The following NBAS variants were observed in gnomAD, a reference collection of about 807,000 sequenced individuals.
The protein encoded by NBAS is NBAS subunit of NRZ tethering complex, also known as NAG/BC035112 fusion.
A neutral mutation model predicts 302.5 loss-of-function variants in NBAS; 219 were observed. The ratio of observed to expected loss-of-function variants is 0.72; its 90% CI spans 0.65 to 0.81. The LOEUF is 0.81. Ranked by LOEUF, NBAS falls within the 30% of genes least tolerant of loss-of-function variation. NBAS has a pLI of 0.00. For missense variants in NBAS, 2,932 were observed against 2,841.6 expected (o/e 1.03, Z -0.72); for synonymous variants, 1,118 against 1,021.6 (o/e 1.09, Z -1.80).
At chr2:15,523,544 G>A (rs890454350) in intron 9 of NBAS, among the ~76,000 whole-genome samples, 1 of 152,150 alleles carries the variant, frequency 6.6e-6, no homozygotes, top group South Asian at 2.1e-4. Context: ...TTGAGCATTT[G>A]TGGATTTTGG....
At chr2:15,024,224 T>TA in the NBAS span, among the ~76,000 whole-genome samples, 116,919 of 151,816 alleles carry the variant, frequency 0.77, 45,291 homozygotes, top group East Asian at 1. Context: ...ACATGCAGTA[T>TA]TGGTTTTCTG....
the NBAS span, among the ~76,000 whole-genome samples, chr2:14,859,734 G>A: frequency 6.6e-6 from 1 of 152,020 alleles, no homozygotes. Context: ...TGACACTACT[G>A]GAAGAAAACA....
the NBAS span, among the ~76,000 whole-genome samples, chr2:14,816,448 T>C: frequency 6.6e-6 from 1 of 152,216 alleles, no homozygotes; most frequent in Non-Finnish European, 1.5e-5. Flanking sequence ...AAAAATTGTC[T>C]TCCACAAAAC....
chr2:14,833,581 C>T, the NBAS span, among the ~76,000 whole-genome samples: 1 of 152,026 alleles, frequency 6.6e-6, no homozygotes, highest in Admixed American at 6.6e-5. Flanking sequence ...CATAAACAGT[C>T]TGTATATCTG....
chr2:14,826,824 C>T, the NBAS span, among the ~76,000 whole-genome samples: 12 of 152,284 alleles, frequency 7.9e-5, no homozygotes, highest in African/African-American at 2.2e-4. Flanking sequence ...CACTCACAGG[C>T]GCTAGGAAGA....
chr2:14,986,231 A>T, the NBAS span, among the ~76,000 whole-genome samples: 1 of 112,384 alleles, frequency 8.9e-6, no homozygotes, highest in Non-Finnish European at 1.9e-5. Flanking sequence ...TAATTGGGGA[A>T]AAAAAAAAAC....
chr2:14,944,577 T>C, the NBAS span, among the ~76,000 whole-genome samples: 1 of 152,168 alleles, frequency 6.6e-6, no homozygotes, highest in Non-Finnish European at 1.5e-5. Context: ...CAGTGAGATT[T>C]CTGGTTCCAA....
chr2:15,321,073 C>A (rs530741057), intron 38 of NBAS, among the ~76,000 whole-genome samples: 46 of 152,112 alleles, frequency 3.0e-4, no homozygotes, highest in African/African-American at 1.1e-3. Flanking sequence ...CAGAACAGAG[C>A]CCTCAGAAAT....
the NBAS span, among the ~76,000 whole-genome samples, chr2:14,787,349 T>C: frequency 1.2e-4 from 18 of 152,304 alleles, no homozygotes; most frequent in African/African-American, 4.3e-4. Flanking sequence ...TATGTGTGAA[T>C]TTGATCCTGT....
intron 41 of NBAS, among the ~76,000 whole-genome samples, chr2:15,290,308 C>T (rs1025305299): frequency 6.6e-6 from 1 of 152,168 alleles, no homozygotes; most frequent in Admixed American, 6.5e-5. Context: ...GGTGGAAACT[C>T]TGAGGCATCT....
chr2:15,285,299 T>C (rs1341011087), intron 42 of NBAS, among the ~76,000 whole-genome samples: 1 of 152,180 alleles, frequency 6.6e-6, no homozygotes, highest in African/African-American at 2.4e-5. Context: ...CCCCACTCAA[T>C]ACTCACTCCC....
At chr2:15,476,078 T>C (rs1185752103) in intron 13 of NBAS, among the ~76,000 whole-genome samples, 198 bp from the exon 14 acceptor site, 1 of 152,172 alleles carries the variant, frequency 6.6e-6, no homozygotes, top group African/African-American at 2.4e-5. Context: ...GTTAATTCCC[T>C]TGACAAATTG....
At chr2:15,259,672 C>T (rs916186864) in intron 44 of NBAS, among the ~76,000 whole-genome samples, 7 of 152,138 alleles carry the variant, frequency 4.6e-5, no homozygotes, top group Admixed American at 3.9e-4. Flanking sequence ...TCCATGGATG[C>T]CTTGTTCCAA....
chr2:15,199,126 C>CAAAAA (rs71400641), intron 48 of NBAS, among the ~76,000 whole-genome samples: 3 of 75,246 alleles, frequency 4.0e-5, no homozygotes, highest in Admixed American at 1.5e-4. Flanking sequence ...GACTCCATCT[C>CAAAAA]AAAAAAAAAA....
In NBAS at chr2:15,500,502, T is replaced by A. The variant is rs867614869; in HGVS notation, c.954+3643A>T. 2.2e-3 allele frequency among the ~76,000 whole-genome samples: 298 copies of A among 136,234 alleles called. 1 individual carries two copies. Among genetic ancestry groups the A allele is most frequent in the African/African-American group, 5.0e-3 (178 of 35,382 alleles). The allele number at this position is 136,234 out of a possible 152,430, so 89.4% of individuals were successfully genotyped here. On this transcript the variant is annotated intron_variant, in intron 11 of 51. Coordinates refer to ENST00000281513, the MANE Select transcript of NBAS (RefSeq NM_015909.4). ...TCTACACCATTATATTTTAGAAGTCTCACACACACACACACACACACACAC... is the reference window on the plus strand; with the variant it reads ...TCTACACCATTATATTTTAGAAGTCACACACACACACACACACACACACAC...
intron 20 of NBAS, 107 bp downstream of exon 20, chr2:15,461,580 A>T (rs1171987719): frequency 2.5e-6 from 2 of 801,522 alleles, no homozygotes; most frequent in Non-Finnish European, 4.0e-6. Context: ...TAATATTAAA[A>T]CAAAAAAGAA....
At chr2:14,824,491 G>A in the NBAS span, among the ~76,000 whole-genome samples, 1 of 151,484 alleles carries the variant, frequency 6.6e-6, no homozygotes, top group Non-Finnish European at 1.5e-5. Flanking sequence ...AAGAAAGGGA[G>A]GAAAATACTC....
chr2:15,313,129 C>T (rs1022344317), intron 38 of NBAS, among the ~76,000 whole-genome samples: 4 of 152,222 alleles, frequency 2.6e-5, no homozygotes, highest in African/African-American at 7.2e-5. Context: ...CGTTTAAAGT[C>T]TCCATAAATA....
chr2:14,815,113 A>G, the NBAS span, among the ~76,000 whole-genome samples: 3 of 152,154 alleles, frequency 2.0e-5, no homozygotes, highest in African/African-American at 7.2e-5. Context: ...ACTGTGGGTC[A>G]TTTAAACCTT....
Sources: gnomAD v4.1 joint callset for allele counts (sites outside exome capture counted in the v4.1 genomes callset) on GRCh38, gnomAD v4.1.1 for gene constraint, MANE v1.5 for transcripts, NCBI Gene and HGNC (gene_info 2026-07-23, HGNC 2026-07-21) for gene names.